The following SEC14L5 variants were observed in gnomAD, a reference collection of about 807,000 sequenced individuals.
SEC14L5 encodes the protein SEC14 like lipid binding 5, also known as SEC14-like protein 5.
In SEC14L5, 96 loss-of-function variants were observed where a neutral mutation model predicts 84.6. That is an observed-to-expected ratio of 1.13 (90% confidence interval 0.96 to 1.34). The LOEUF is 1.34. Among genes scored for constraint, SEC14L5 ranks in the 40% most tolerant of loss-of-function variants. The pLI, the probability that SEC14L5 is intolerant of heterozygous loss-of-function variation, is 0.00. For synonymous variants in SEC14L5, 546 were observed against 383.4 expected (o/e 1.42, Z -4.95); for missense variants, 1,224 against 942.5 (o/e 1.30, Z -3.91).
At chr16:4,968,564 C>G (rs1330201581) in intron 2 of SEC14L5, among the ~76,000 whole-genome samples, 5 of 152,216 alleles carry the variant, frequency 3.3e-5, no homozygotes, top group African/African-American at 1.2e-4. Flanking sequence ...TGGGCTCAAG[C>G]CATCCTCCTG....
At chr16:4,979,310 T>C (rs1278719083) in intron 2 of SEC14L5, among the ~76,000 whole-genome samples, 4 of 152,110 alleles carry the variant, frequency 2.6e-5, no homozygotes, top group African/African-American at 7.2e-5. Context: ...ACCAACCCCA[T>C]GGTCTGACTG....
At position 5,008,609 on chromosome 16, in the gene SEC14L5, G is replaced by T. The variant is rs1313267198; in HGVS notation, c.1761G>T (p.Val587=). Residue 587 remains valine, a synonymous_variant, in exon 14 of 16, where the codon GTG becomes GTT. Transcript: ENST00000251170. The part of the protein sequence containing the change: ...GWVLGRDYSR[V]EAPLVCREGE... ...TCCTGGGCAGGGATTACAGCCGTGTGGAGGCTCCCCTTGTCTGCCGGGAGG... is the reference window on the plus strand; with the variant it reads ...TCCTGGGCAGGGATTACAGCCGTGTTGAGGCTCCCCTTGTCTGCCGGGAGG... 6.2e-7 allele frequency: 1 copy of T among 1,603,486 alleles called. No individual in the cohort carries two copies. Among genetic ancestry groups the T allele is most frequent in the Admixed American group, 1.8e-5 (1 of 55,976 alleles).
At chr16:4,973,674 CTG>C (rs1955305650) in intron 2 of SEC14L5, among the ~76,000 whole-genome samples, 3 of 146,786 alleles carry the variant, frequency 2.0e-5, no homozygotes, top group Non-Finnish European at 4.5e-5. Context: ...TCTTTTTTCT[CTG>C]TCTCTTTTTT....
At chr16:4,970,450 C>T (rs111303199) in intron 2 of SEC14L5, among the ~76,000 whole-genome samples, 79 of 152,298 alleles carry the variant, frequency 5.2e-4, no homozygotes, top group African/African-American at 1.8e-3. Context: ...TCATCAGGGG[C>T]CAGGAAGCAG....
In SEC14L5 at chr16:4,991,869, A is replaced by C; in HGVS notation, c.506A>C (p.Glu169Ala). The change falls in exon 6 of 16, where the codon GAG becomes GCG. Residue 169 changes from glutamate to alanine, a missense_variant. Physicochemically the swap from Glu to Ala is moderately radical, Grantham distance 107. Coordinates refer to ENST00000251170, the MANE Select transcript of SEC14L5 (RefSeq NM_014692.2). ...GAGGTGATTGAGCATTACCTGAATG[A>C]GCTCATCTCCCAGGGTACCTCGCAC... ...GKEVIEHYLNELISQGTSHIP... is the reference protein window; with the variant it reads ...GKEVIEHYLNALISQGTSHIP... 5 of 1,609,710 alleles carry C rather than the reference A, an allele frequency of 3.1e-6. No homozygotes were observed. Among genetic ancestry groups the C allele is most frequent in the Non-Finnish European group, 4.2e-6 (5 of 1,178,474 alleles).
chr16:4,964,000 T>G (rs562852426), intron 2 of SEC14L5, among the ~76,000 whole-genome samples: 1 of 152,346 alleles, frequency 6.6e-6, no homozygotes, highest in East Asian at 1.9e-4. Flanking sequence ...CTTTCTTTCT[T>G]GATAGCATTC....
Position 5,014,884 on chromosome 16 carries a change from T to C in SEC14L5, c.2005T>C (p.Cys669Arg), listed in dbSNP as rs1272353213. 1.2e-6 allele frequency: 2 copies of C among 1,613,718 alleles called. No homozygotes were observed. Among genetic ancestry groups the C allele is most frequent in the African/African-American group, 1.3e-5 (1 of 75,068 alleles). Residue 669 changes from cysteine to arginine, a missense_variant, in exon 16 of 16, where the codon TGC becomes CGC. Coordinates refer to ENST00000251170, the MANE Select transcript of SEC14L5 (RefSeq NM_014692.2). ...FRGSMSSLES[C>R]TSGFSQLSAA... is the part of the protein sequence containing the mutation. ...GGGCTCCATGTCCAGCCTGGAATCC[T>C]GCACCAGCGGCTTCTCCCAGCTCAG...
chr16:4,993,064 A>G (rs991828354), intron 6 of SEC14L5, among the ~76,000 whole-genome samples: 1 of 151,840 alleles, frequency 6.6e-6, no homozygotes, highest in Non-Finnish European at 1.5e-5. Context: ...TTATTTAGAG[A>G]CAGGGTCTTG....
At chr16:4,986,065 C>T (rs902238809) in intron 2 of SEC14L5, among the ~76,000 whole-genome samples, 1 of 151,736 alleles carries the variant, frequency 6.6e-6, no homozygotes, top group East Asian at 1.9e-4. Context: ...TACCGTATTA[C>T]GTTCATATGA....
At chr16:4,964,060 G>T (rs571438641) in intron 2 of SEC14L5, among the ~76,000 whole-genome samples, 151 of 152,280 alleles carry the variant, frequency 9.9e-4, no homozygotes, top group African/African-American at 3.5e-3. Context: ...GGTAAACAGA[G>T]AAAAACAATT....
intron 2 of SEC14L5, among the ~76,000 whole-genome samples, chr16:4,984,291 A>G (rs1253682537): frequency 6.6e-6 from 1 of 152,184 alleles, no homozygotes; most frequent in Non-Finnish European, 1.5e-5. Flanking sequence ...CATGCAATAT[A>G]TGGTATTTTG....
At chr16:5,000,514 T>G in intron 8 of SEC14L5, 141 bp from the exon 9 acceptor site, 1 of 635,180 alleles carries the variant, frequency 1.6e-6, no homozygotes, top group Non-Finnish European at 2.8e-6. Context: ...GCAGGCAGGG[T>G]GTTAGTAAGT....
At chr16:4,999,517 G>T (rs188814389) in intron 8 of SEC14L5, among the ~76,000 whole-genome samples, 1 of 152,172 alleles carries the variant, frequency 6.6e-6, no homozygotes, top group Admixed American at 6.6e-5. Flanking sequence ...CTACTTGGGA[G>T]GCTGAGGTGG....
At chr16:5,011,051 C>G in intron 14 of SEC14L5, 44 bp from the exon 15 acceptor site, 1 of 1,545,708 alleles carries the variant, frequency 6.5e-7, no homozygotes, top group Non-Finnish European at 8.7e-7. Context: ...TTGACCTGTC[C>G]TCTGGAGGGC....
At chr16:5,014,338 C>T (rs548048886) in intron 15 of SEC14L5, among the ~76,000 whole-genome samples, 4 of 152,230 alleles carry the variant, frequency 2.6e-5, no homozygotes, top group Admixed American at 1.3e-4. Context: ...CTCCTGATCC[C>T]AGGAGTTTGA....
chr16:4,958,696 G>T (rs1454709223), intron 1 of SEC14L5, among the ~76,000 whole-genome samples: 1 of 152,224 alleles, frequency 6.6e-6, no homozygotes. Context: ...GCGTGGAGCT[G>T]GGCAGGTGCG....
At chr16:4,975,917 G>T (rs1955333766) in intron 2 of SEC14L5, among the ~76,000 whole-genome samples, 1 of 152,148 alleles carries the variant, frequency 6.6e-6, no homozygotes, top group Admixed American at 6.5e-5. Context: ...GAAGATGTTG[G>T]TGCAGCTTGG....
In SEC14L5 at chr16:4,988,181, G is replaced by A. The variant is rs1568126019; in HGVS notation, c.246G>A (p.Gln82=). 6 of 1,613,606 alleles carry A rather than the reference G, an allele frequency of 3.7e-6. No homozygotes were observed. Among genetic ancestry groups the A allele is most frequent in the Non-Finnish European group, 4.2e-6 (5 of 1,179,712 alleles). ...IAGVEHVVFV[Q]TNILNWKERT... Reference sequence around the variant, plus strand: ...GTGTTGAGCACGTGGTCTTCGTGCAGACAAACATCTTGAACTGGAAGGAGA... The same window carrying A: ...GTGTTGAGCACGTGGTCTTCGTGCAAACAAACATCTTGAACTGGAAGGAGA... The change falls in exon 4 of 16, where the codon CAG becomes CAA. Residue 82 remains glutamine, a synonymous_variant. Coordinates refer to ENST00000251170, the MANE Select transcript of SEC14L5 (RefSeq NM_014692.2).
rs1042873597 is a variant in SEC14L5 at position 4,982,853 on chromosome 16, C to T, written c.64-4704C>T. Reference sequence around the variant, plus strand: ...CTGGGATTTGTACCCAGGCAGGGCTCGAGTCTGTGCTGTCAGCCAGGGTGA... The same window carrying T: ...CTGGGATTTGTACCCAGGCAGGGCTTGAGTCTGTGCTGTCAGCCAGGGTGA... On this transcript the variant is annotated intron_variant, in intron 2 of 15. Transcript: ENST00000251170. Among the ~76,000 whole-genome samples, 31 of 152,082 alleles carry T rather than the reference C, an allele frequency of 2.0e-4. 1 individual carries two copies. The highest frequency in any genetic ancestry group is 2.1e-4 in the South Asian group (1 of 4,824).
Sources: allele counts gnomAD v4.1 joint callset (sites outside exome capture counted in the v4.1 genomes callset), GRCh38; gene constraint gnomAD v4.1.1; transcripts MANE v1.5; gene names NCBI Gene and HGNC (gene_info 2026-07-23, HGNC 2026-07-21).